Variants in BRMS1L observed in about 807,000 individuals in gnomAD.
BRMS1L encodes the protein BRMS1 like transcriptional repressor, also known as breast cancer metastasis-suppressor 1-like protein.
BRMS1L carries 23 observed loss-of-function variants against 50.3 expected under a neutral mutation model. The ratio of observed to expected loss-of-function variants is 0.46; its 90% CI spans 0.33 to 0.65. The LOEUF is 0.65. Ranked by LOEUF, BRMS1L falls within the 30% of genes least tolerant of loss-of-function variation. BRMS1L has a pLI of 0.02. For synonymous variants in BRMS1L, 114 were observed against 126.9 expected (o/e 0.90, Z 0.69); for missense variants, 286 against 386.1 (o/e 0.74, Z 2.17).
At chr14:35,850,626 A>G (rs755277510) in intron 4 of BRMS1L, among the ~76,000 whole-genome samples, 1 of 152,242 alleles carries the variant, frequency 6.6e-6, no homozygotes, top group African/African-American at 2.4e-5. Context: ...AGCAGTGCCA[A>G]GACCAGTGTC....
intron 4 of BRMS1L, among the ~76,000 whole-genome samples, chr14:35,843,741 G>A (rs2078096094): frequency 1.3e-5 from 2 of 152,260 alleles, no homozygotes; most frequent in Non-Finnish European, 2.9e-5. Flanking sequence ...GCTCTCTTTA[G>A]AGCTGGCAGG....
chr14:35,848,744 A>G (rs1595668778), intron 4 of BRMS1L, among the ~76,000 whole-genome samples: 1 of 152,126 alleles, frequency 6.6e-6, no homozygotes, highest in Non-Finnish European at 1.5e-5. Flanking sequence ...AATGTTAGTA[A>G]TGTCCTCTAG....
intron 2 of BRMS1L, among the ~76,000 whole-genome samples, 168 bp downstream of exon 2, chr14:35,831,668 A>T (rs1056413416): frequency 6.6e-6 from 1 of 152,156 alleles, no homozygotes; most frequent in Non-Finnish European, 1.5e-5. Context: ...CATTAACTAA[A>T]CTGAGGGTTT....
intron 4 of BRMS1L, among the ~76,000 whole-genome samples, chr14:35,851,023 T>C (rs2078205180): frequency 6.6e-6 from 1 of 152,210 alleles, no homozygotes; most frequent in African/African-American, 2.4e-5. Flanking sequence ...TATTTATTGC[T>C]TTGCCTTTCC....
chr14:35,868,966 A>G (rs1287574994), intron 9 of BRMS1L, among the ~76,000 whole-genome samples: 4 of 152,144 alleles, frequency 2.6e-5, no homozygotes, highest in Non-Finnish European at 4.4e-5. Context: ...GTAGTGTAGG[A>G]TTTAATTCTC....
chr14:35,848,881 A>C (rs1240180292), intron 4 of BRMS1L, among the ~76,000 whole-genome samples: 3 of 152,154 alleles, frequency 2.0e-5, no homozygotes, highest in Non-Finnish European at 4.4e-5. Context: ...ACATTTCATC[A>C]ATGGATGAAC....
chr14:35,867,326 GGAGCTGACATTT>G (rs1345229966), intron 8 of BRMS1L, among the ~76,000 whole-genome samples: 1 of 152,140 alleles, frequency 6.6e-6, no homozygotes, highest in Non-Finnish European at 1.5e-5. Flanking sequence ...AGACCTCTCA[GGAGCTGACATTT>G]GAATGACTTC....
Position 35,841,998 on chromosome 14 carries a change from C to CTTTTTTTT in BRMS1L, c.441+7086_441+7093dup, listed in dbSNP as rs574267347. The stretch of plus-strand genomic sequence containing the variant: ...TCAGAGACTAGGATTGCAATCTCTG[C>CTTTTTTTT]TTTTTTTTTTTTTTTTTTGCTTTCC... On this transcript the variant is annotated intron_variant, in intron 4 of 9. Coordinates refer to ENST00000216807, the MANE Select transcript of BRMS1L (RefSeq NM_032352.4). Among the ~76,000 whole-genome samples the CTTTTTTTT allele has an allele frequency of 8.4e-3, 935 of 111,928 alleles. 14 individuals carry two copies. The highest frequency in any genetic ancestry group is 0.027 in the African/African-American group (743 of 28,028). 73.4% of individuals were successfully genotyped at this position (111,928 alleles called of 152,430 possible). A position where few individuals can be genotyped will look rare whatever the true frequency, so the allele number is the denominator to read the frequency against.
intron 4 of BRMS1L, among the ~76,000 whole-genome samples, chr14:35,836,243 G>A (rs888903090): frequency 6.6e-6 from 1 of 152,182 alleles, no homozygotes; most frequent in African/African-American, 2.4e-5. Context: ...TTTTGCCCAG[G>A]TGGTACGATG....
chr14:35,846,045 G>C (rs1423305394), intron 4 of BRMS1L, among the ~76,000 whole-genome samples: 1 of 152,156 alleles, frequency 6.6e-6, no homozygotes, highest in African/African-American at 2.4e-5. Flanking sequence ...ATGTATATTA[G>C]AAACAAATGA....
intron 9 of BRMS1L, among the ~76,000 whole-genome samples, chr14:35,868,308 A>G (rs192670477): frequency 1.2e-3 from 176 of 152,344 alleles, no homozygotes; most frequent in Non-Finnish European, 8.2e-4. Flanking sequence ...TTCTTTTAGT[A>G]GGTGAATCGT....
chr14:35,829,709 A>C (rs1303215843), intron 1 of BRMS1L: 4 of 518,916 alleles, frequency 7.7e-6, no homozygotes, highest in African/African-American at 4.2e-5. Context: ...AAGTATTTTT[A>C]ATCTGTTTTA....
Position 35,832,967 on chromosome 14 carries a change from G to A in BRMS1L, c.234-11G>A. 1 of 1,580,076 alleles carries A rather than the reference G, an allele frequency of 6.3e-7. No individual in the cohort carries two copies. Among genetic ancestry groups the A allele is most frequent in the Non-Finnish European group, 8.6e-7 (1 of 1,163,196 alleles). ...TTTTTAAATTAACATATTAATTTTT[G>A]CTTTGTTAAGACTTTATAAAGAACG... On this transcript the variant is annotated splice_polypyrimidine_tract_variant and intron_variant, in intron 2 of 9. Coordinates refer to ENST00000216807, the MANE Select transcript of BRMS1L (RefSeq NM_032352.4).
intron 4 of BRMS1L, among the ~76,000 whole-genome samples, chr14:35,847,595 G>T (rs2078153036): frequency 6.6e-6 from 1 of 152,166 alleles, no homozygotes; most frequent in Non-Finnish European, 1.5e-5. Context: ...TTGAGATTTG[G>T]AGGCCAAAGG....
rs116885588 is a variant in BRMS1L at position 35,849,632 on chromosome 14, C to T, written c.442-12958C>T. 1.9e-3 allele frequency among the ~76,000 whole-genome samples: 288 copies of T among 152,112 alleles called. 4 individuals carry two copies. In the East Asian group the frequency reaches 0.042, roughly 22 times the overall value. On this transcript the variant is annotated intron_variant, in intron 4 of 9. Transcript: ENST00000216807. ...GTCTTTTTGATAATGGCCATTCTAA[C>T]GGGTGTGGGATGATAAATCATTGTT...
intron 4 of BRMS1L, among the ~76,000 whole-genome samples, chr14:35,850,646 A>G (rs1348764023): frequency 1.3e-5 from 2 of 152,202 alleles, no homozygotes; most frequent in South Asian, 2.1e-4. Context: ...CATGAAGCTT[A>G]TCTTCTACGT....
At chr14:35,862,994 A>G (rs2078372952) in intron 5 of BRMS1L, among the ~76,000 whole-genome samples, 1 of 152,112 alleles carries the variant, frequency 6.6e-6, no homozygotes, top group Non-Finnish European at 1.5e-5. Context: ...AGTCCCAGCT[A>G]TGCAGGAGAC....
At chr14:35,859,576 G>A (rs1315103931) in intron 4 of BRMS1L, among the ~76,000 whole-genome samples, 1 of 152,158 alleles carries the variant, frequency 6.6e-6, no homozygotes, top group Non-Finnish European at 1.5e-5. Flanking sequence ...GTGAGATGAT[G>A]TGCTTTGATG....
chr14:35,837,917 A>G (rs1475537787), intron 4 of BRMS1L, among the ~76,000 whole-genome samples: 1 of 152,206 alleles, frequency 6.6e-6, no homozygotes, highest in Non-Finnish European at 1.5e-5. Flanking sequence ...ATACGTGTGC[A>G]GAATGTGCAG....
Sources: allele counts gnomAD v4.1 joint callset (sites outside exome capture counted in the v4.1 genomes callset), GRCh38; gene constraint gnomAD v4.1.1; transcripts MANE v1.5; gene names NCBI Gene and HGNC (gene_info 2026-07-23, HGNC 2026-07-21).